Variants in PRKAR1A observed in about 807,000 individuals in gnomAD.
The protein encoded by PRKAR1A is cAMP-dependent protein kinase type I-alpha regulatory subunit.
In PRKAR1A, 3 loss-of-function variants were observed where a neutral mutation model predicts 52.0. The observed-to-expected ratio is 0.06, with a 90% CI of 0.03 to 0.15. The LOEUF is 0.15. PRKAR1A is among the 10% of genes least tolerant of loss of function. The pLI, the probability that PRKAR1A is intolerant of heterozygous loss-of-function variation, is 1.00. For missense variants in PRKAR1A, 240 were observed against 477.4 expected (o/e 0.50, Z 4.63); for synonymous variants, 188 against 168.4 (o/e 1.12, Z -0.90).
downstream of PRKAR1A, among the ~76,000 whole-genome samples, chr17:68,538,133 C>T (rs1203268506): frequency 6.6e-6 from 1 of 152,160 alleles, no homozygotes; most frequent in Non-Finnish European, 1.5e-5. Context: ...TCTCAAAATC[C>T]CCCAGTACTG....
chr17:68,457,970 C>A, the PRKAR1A span, among the ~76,000 whole-genome samples: 3 of 152,222 alleles, frequency 2.0e-5, no homozygotes, highest in Non-Finnish European at 4.4e-5. Flanking sequence ...GCAAGGGTGA[C>A]AGGAGGACGC....
At chr17:68,486,865 C>T in the PRKAR1A span, among the ~76,000 whole-genome samples, 67 of 137,656 alleles carry the variant, frequency 4.9e-4, no homozygotes, top group Non-Finnish European at 7.6e-4. Context: ...CTCCCAAAGT[C>T]GATGTTGTGC....
chr17:68,486,514 T>C, the PRKAR1A span, among the ~76,000 whole-genome samples: 1,430 of 48,354 alleles, frequency 0.03, 6 homozygotes, highest in Non-Finnish European at 0.033. Flanking sequence ...TCCTTCTTTC[T>C]TTCTTTCTTT....
At chr17:68,518,236 C>T (rs1347635723) in intron 2 of PRKAR1A, among the ~76,000 whole-genome samples, 1 of 152,188 alleles carries the variant, frequency 6.6e-6, no homozygotes, top group East Asian at 1.9e-4. Context: ...TAGTGGCCCT[C>T]TTCTCGTAGT....
upstream of PRKAR1A, among the ~76,000 whole-genome samples, chr17:68,508,515 C>G (rs1397679975): frequency 6.6e-6 from 1 of 152,072 alleles, no homozygotes; most frequent in Admixed American, 6.5e-5. Flanking sequence ...CAATAGATAC[C>G]TGGAACTACT....
the PRKAR1A span, chr17:68,426,119 C>T: frequency 1.2e-6 from 2 of 1,612,612 alleles, no homozygotes; most frequent in East Asian, 2.2e-5. Flanking sequence ...GGTCCCGTCG[C>T]AAACTCATGT....
chr17:68,414,289 T>TTTAA, the PRKAR1A span: 2 of 152,242 alleles, frequency 1.3e-5, no homozygotes, highest in African/African-American at 4.8e-5. Context: ...GATTTTTGTT[T>TTTAA]TTAATTCTGT....
At chr17:68,450,972 GC>G in the PRKAR1A span, 2 of 1,528,854 alleles carry the variant, frequency 1.3e-6, no homozygotes, top group Non-Finnish European at 1.8e-6. Flanking sequence ...ATGACACTGG[GC>G]CCGGCGCAGG....
the PRKAR1A span, among the ~76,000 whole-genome samples, chr17:68,441,823 T>C: frequency 6.6e-6 from 1 of 152,194 alleles, no homozygotes; most frequent in African/African-American, 2.4e-5. Context: ...GTGATAATTA[T>C]AAACGTGAGC....
chr17:68,448,198 A>G, the PRKAR1A span: 3 of 152,230 alleles, frequency 2.0e-5, no homozygotes, highest in African/African-American at 7.2e-5. Context: ...GACACCACAG[A>G]ATCCCTACCT....
chr17:68,464,714 A>AC, the PRKAR1A span, among the ~76,000 whole-genome samples: 1 of 151,320 alleles, frequency 6.6e-6, no homozygotes, highest in African/African-American at 2.4e-5. Flanking sequence ...AAAACAAAAA[A>AC]AACACCTAAC....
chr17:68,540,519 A>C (rs566495155), intron 11 of PRKAR1A: 1 of 484,920 alleles, frequency 2.1e-6, no homozygotes, highest in Non-Finnish European at 4.1e-6. Context: ...TCCCTGCTAC[A>C]TATTTGTGTA....
intron 11 of PRKAR1A, among the ~76,000 whole-genome samples, chr17:68,548,395 T>A (rs2086667268): frequency 6.6e-6 from 1 of 152,048 alleles, no homozygotes; most frequent in African/African-American, 2.4e-5. Flanking sequence ...CCAGGTGTGG[T>A]GGGCAGCGCC....
chr17:68,445,622 C>G, the PRKAR1A span, among the ~76,000 whole-genome samples: 1 of 152,232 alleles, frequency 6.6e-6, no homozygotes, highest in African/African-American at 2.4e-5. Flanking sequence ...CACATGAAAG[C>G]TTGTCAGGTT....
chr17:68,465,870 C>T, the PRKAR1A span, among the ~76,000 whole-genome samples: 2 of 151,884 alleles, frequency 1.3e-5, no homozygotes, highest in South Asian at 2.1e-4. Flanking sequence ...TAGAGGATGT[C>T]GGAGAGGGGC....
upstream of PRKAR1A, among the ~76,000 whole-genome samples, chr17:68,511,275 C>T (rs2085260452): frequency 6.6e-6 from 1 of 152,148 alleles, no homozygotes; most frequent in Admixed American, 6.5e-5. Context: ...AAAGCAGCCC[C>T]TAGCCAGACA....
intron 9 of PRKAR1A, 127 bp from the exon 10 acceptor site, chr17:68,529,793 A>C: frequency 1.1e-6 from 1 of 905,122 alleles, no homozygotes; most frequent in Non-Finnish European, 1.8e-6. Context: ...TGTGGTGACT[A>C]ACTTTAAAGT....
chr17:68,452,585 T>C, the PRKAR1A span, among the ~76,000 whole-genome samples: 1 of 151,902 alleles, frequency 6.6e-6, no homozygotes, highest in Non-Finnish European at 1.5e-5. Flanking sequence ...AGAAAGAAAA[T>C]GTCACAAGTG....
chr17:68,465,762 C>T, the PRKAR1A span, among the ~76,000 whole-genome samples: 1 of 151,246 alleles, frequency 6.6e-6, no homozygotes. Flanking sequence ...AGCCATCGCG[C>T]CCGGCCTGTC....
Sources: allele counts gnomAD v4.1 joint callset (sites outside exome capture counted in the v4.1 genomes callset), GRCh38; gene constraint gnomAD v4.1.1; transcripts MANE v1.5; gene names NCBI Gene and HGNC (gene_info 2026-07-23, HGNC 2026-07-21).